Variants in KRT77 observed in about 807,000 individuals in gnomAD.
The protein encoded by KRT77 is keratin, type II cytoskeletal 1b.
In KRT77, 44 loss-of-function variants were observed where a neutral mutation model predicts 51.5. The ratio of observed to expected loss-of-function variants is 0.85; its 90% CI spans 0.67 to 1.10. The LOEUF (loss-of-function observed/expected upper bound fraction) is 1.10. Ranked by LOEUF, KRT77 falls within the 50% of genes least tolerant of loss-of-function variation. The pLI is 0.00. For synonymous variants in KRT77, 293 were observed against 302.0 expected (o/e 0.97, Z 0.31); for missense variants, 763 against 743.9 (o/e 1.03, Z -0.30).
At position 52,700,149 on chromosome 12, in the gene KRT77, C is replaced by T. The variant is rs147367403; in HGVS notation, c.544-2253G>A. On this transcript the variant is annotated intron_variant, in intron 1 of 8. Transcript: ENST00000341809. The stretch of plus-strand genomic sequence containing the variant: ...ACTCTCTGAGCGTCCAGCACTGACC[C>T]CTGAGGGGCTGACCCAATTTGTCAT... Among the ~76,000 whole-genome samples the T allele has an allele frequency of 4.6e-5, 7 of 152,280 alleles. No homozygotes were observed. In the East Asian group the frequency reaches 1.3e-3, roughly 29 times the overall value.
In KRT77 at chr12:52,695,840, C is replaced by G; in HGVS notation, c.847G>C (p.Val283Leu). ...KDVDAAYVSK[V>L]DLESRVDTLT... ...GTGTCCACCCTGGACTCCAGGTCCA[C>G]TTTGCTCACATAAGCAGCATCCACA... is the stretch of plus-strand genomic sequence containing the variant. Residue 283 changes from valine (V) to leucine (L), a missense_variant, in exon 4 of 9, where the codon GTG becomes CTG. Physicochemically the swap from Val to Leu is conservative, Grantham distance 32. Transcript: ENST00000341809. The G allele has an allele frequency of 1.2e-6, 2 of 1,613,758 alleles. No homozygotes were observed. Among genetic ancestry groups the G allele is most frequent in the South Asian group, 2.2e-5 (2 of 91,070 alleles).
rs1014617734 is a variant in KRT77 at position 52,703,487 on chromosome 12, A to G, written c.-53T>C. ...CAAGAGAAAGAGCCTGGCAGGAAGG[A>G]GGCAGAGACCAGAGAGGAAAGGAGC... is the stretch of plus-strand genomic sequence containing the variant. On this transcript the variant is annotated 5_prime_UTR_variant, in exon 1 of 9. Coordinates refer to ENST00000341809, the MANE Select transcript of KRT77 (RefSeq NM_175078.3). The G allele has an allele frequency of 1.1e-5, 16 of 1,490,966 alleles. No homozygotes were observed. The highest frequency in any genetic ancestry group is 1.4e-5 in the Non-Finnish European group (16 of 1,110,598). The allele number at this position is 1,490,966 out of a possible 1,614,324, so 92.4% of individuals were successfully genotyped here. A position where few individuals can be genotyped will look rare whatever the true frequency, so the allele number is the denominator to read the frequency against.
Position 52,691,438 on chromosome 12 carries a change from G to A in KRT77, c.1464C>T (p.Ser488=), listed in dbSNP as rs758247963. ...TGACGCTCACCTGGCTGTTCTGCAC[G>A]GCTGTGGGTAGGGGACAGTGCACAC... The part of the protein sequence containing the change: ...SGELQSHVSI[S]VQNSQVSVNG... The change falls in exon 9 of 9, where the codon TCC becomes TCT. Residue 488 remains serine, a splice_region_variant and synonymous_variant. Transcript: ENST00000341809. 3.4e-5 allele frequency: 54 copies of A among 1,584,104 alleles called. No homozygotes were observed. The highest frequency in any genetic ancestry group is 2.4e-4 in the South Asian group (21 of 87,164).
chr12:52,691,815 G>T (rs1326671172), intron 8 of KRT77, 123 bp downstream of exon 8: 4 of 1,024,824 alleles, frequency 3.9e-6, no homozygotes, highest in African/African-American at 1.6e-5. Flanking sequence ...TGCTTACTTT[G>T]GTGTCTATTG....
chr12:52,702,284 C>G (rs1193358455), intron 1 of KRT77, among the ~76,000 whole-genome samples: 2 of 152,172 alleles, frequency 1.3e-5, no homozygotes. Context: ...ACCTGTAGCA[C>G]CTGGCACGAT....
Position 52,703,091 on chromosome 12 carries a change from G to A in KRT77, c.344C>T (p.Ala115Val), listed in dbSNP as rs1279867353. ...GGFGGGGFGG[A>V]GFGTSNFGLG... The stretch of plus-strand genomic sequence containing the variant: ...CCCAAAATTGCTAGTCCCAAATCCA[G>A]CACCCCCAAAACCACCTCCTCCAAA... Residue 115 changes from alanine to valine, a missense_variant, in exon 1 of 9, where the codon GCT becomes GTT. Physicochemically the swap from Ala to Val is moderately conservative, Grantham distance 64. Transcript: ENST00000341809. 1.2e-6 allele frequency: 2 copies of A among 1,613,400 alleles called. No individual in the cohort carries two copies. The highest frequency in any genetic ancestry group is 1.7e-6 in the Non-Finnish European group (2 of 1,179,814).
rs1941823980 is a variant in KRT77, at chr12:52,697,904, C to T, written c.544-8G>A. On this transcript the variant is annotated splice_region_variant and splice_polypyrimidine_tract_variant and intron_variant, in intron 1 of 8. Coordinates refer to ENST00000341809, the MANE Select transcript of KRT77 (RefSeq NM_175078.3). ...CTGCTCCAGGAATCGCACCTAAGAG[C>T]AAGAGACCCCAGTCCACCCCAGGCC... 6.2e-7 allele frequency: 1 copy of T among 1,612,662 alleles called. No homozygotes were observed. The highest frequency in any genetic ancestry group is 1.1e-5 in the South Asian group (1 of 91,024).
chr12:52,698,229 C>CAG, intron 1 of KRT77: 1 of 1,012,004 alleles, frequency 9.9e-7, no homozygotes, highest in Non-Finnish European at 1.4e-6. Flanking sequence ...TTCGGAGCAT[C>CAG]TGAGACACTG....
chr12:52,703,279 A>G lies in KRT77; in HGVS notation c.156T>C (p.His52=). 1.9e-6 allele frequency: 3 copies of G among 1,613,392 alleles called. No individual in the cohort carries two copies. Among genetic ancestry groups the G allele is most frequent in the South Asian group, 2.2e-5 (2 of 91,008 alleles). ...GGCTCCTAGAGCCAAACCCCCTTCC[A>G]TGGATCCCATATCCACCACCACCAC... ...GRCGGGGYGI[H]GRGFGSRSLY... The change falls in exon 1 of 9, where the codon CAT becomes CAC. Residue 52 remains histidine (H), a synonymous_variant. Transcript: ENST00000341809.
At chr12:52,693,242 G>A (rs1941744059) in intron 5 of KRT77, among the ~76,000 whole-genome samples, 1 of 150,246 alleles carries the variant, frequency 6.7e-6, no homozygotes. Context: ...CCACCATATA[G>A]CTTCCCACCC....
chr12:52,701,322 G>A lies in KRT77; in HGVS notation c.543+1570C>T, dbSNP rs530838348. 1.7e-3 allele frequency among the ~76,000 whole-genome samples: 260 copies of A among 152,320 alleles called. 1 individual carries two copies. The highest frequency in any genetic ancestry group is 6.0e-3 in the African/African-American group (248 of 41,564). The stretch of plus-strand genomic sequence containing the variant: ...CCCACGCAGCATGATCGGAAGCCAC[G>A]GGAGCACGCTGCTGTGTTGCGCTCC... On this transcript the variant is annotated intron_variant, in intron 1 of 8. Transcript: ENST00000341809.
chr12:52,699,556 G>T (rs541593485), intron 1 of KRT77, among the ~76,000 whole-genome samples: 1 of 152,220 alleles, frequency 6.6e-6, no homozygotes, highest in Non-Finnish European at 1.5e-5. Flanking sequence ...AGCTAGCACC[G>T]ATGGAATGAG....
rs771402323 is a variant in KRT77, at chr12:52,691,986, G to A, written c.1428-14C>T. On this transcript the variant is annotated splice_polypyrimidine_tract_variant and intron_variant, in intron 7 of 8. Transcript: ENST00000341809. ...TCTCCTGACATCCTGTAAAACCAAA[G>A]CACACGGTCAGCCAGACCCACAGGG... 6.2e-7 allele frequency: 1 copy of A among 1,613,846 alleles called. No homozygotes were observed. Among genetic ancestry groups the A allele is most frequent in the South Asian group, 1.1e-5 (1 of 91,076 alleles).
At position 52,691,328 on chromosome 12, in the gene KRT77, T is replaced by C; in HGVS notation, c.1574A>G (p.Tyr525Cys). ...SGGGYGGGRS[Y>C]RGGGARGRSG... Reference sequence around the variant, plus strand: ...CCTGCCTCGTGCCCCGCCTCCGCGGTAGCTTCTTCCGCCGCCATAGCCCCC... The same window carrying C: ...CCTGCCTCGTGCCCCGCCTCCGCGGCAGCTTCTTCCGCCGCCATAGCCCCC... The change falls in exon 9 of 9, where the codon TAC (tyrosine) becomes TGC (cysteine). Residue 525 changes from tyrosine (Y) to cysteine (C), a missense_variant. Transcript: ENST00000341809. 1 of 1,599,814 alleles carries C rather than the reference T, an allele frequency of 6.3e-7. No homozygotes were observed. Among genetic ancestry groups the C allele is most frequent in the Non-Finnish European group, 8.5e-7 (1 of 1,173,238 alleles).
Position 52,691,157 on chromosome 12 carries a change from C to T in KRT77, c.*8G>A. 6.2e-7 allele frequency: 1 copy of T among 1,613,988 alleles called. No individual in the cohort carries two copies. ...GGGCAGGCGTGATGTGTGGCAGAAA[C>T]GAGGCCTCTACTCCAAGATCCGCCT... is the stretch of plus-strand genomic sequence containing the variant. On this transcript the variant is annotated 3_prime_UTR_variant, in exon 9 of 9. Coordinates refer to ENST00000341809, the MANE Select transcript of KRT77 (RefSeq NM_175078.3).
rs762262243 is a variant in KRT77, at chr12:52,703,405, C to T, written c.30G>A (p.Ala10=). Residue 10 remains alanine, a synonymous_variant, in exon 1 of 9, where the codon GCG becomes GCA. Coordinates refer to ENST00000341809, the MANE Select transcript of KRT77 (RefSeq NM_175078.3). MSHQFSSQS[A]FSSMSRRVYS... Reference sequence around the variant, plus strand: ...AAACCCGCCTGCTCATTGAACTAAACGCGGACTGAGAACTAAATTGGTGGC... The same window carrying T: ...AAACCCGCCTGCTCATTGAACTAAATGCGGACTGAGAACTAAATTGGTGGC... 32 of 1,598,812 alleles carry T rather than the reference C, an allele frequency of 2.0e-5. No individual in the cohort carries two copies. In the East Asian group the frequency reaches 2.2e-4, roughly 11 times the overall value.
intron 1 of KRT77, chr12:52,698,409 G>T (rs755199196): frequency 3.0e-5 from 11 of 367,976 alleles, no homozygotes; most frequent in African/African-American, 8.5e-5. Flanking sequence ...GCTGTCTGCC[G>T]GGATGTTTGT....
chr12:52,693,277 G>A (rs61176844), intron 5 of KRT77, among the ~76,000 whole-genome samples: 1 of 150,622 alleles, frequency 6.6e-6, no homozygotes, highest in African/African-American at 2.4e-5. Context: ...CTCCCTAGCA[G>A]TCAAGCAGGA....
chr12:52,693,900 A>G lies in KRT77; in HGVS notation c.1080+726T>C, dbSNP rs185364569. On this transcript the variant is annotated intron_variant, in intron 5 of 8. Transcript: ENST00000341809. ...AAAAATACAAAAATTAGCTTGGTGT[A>G]GTGGCGCGTGCCTGTAATCCCAGCT... Among the ~76,000 whole-genome samples, 53 of 136,516 alleles carry G rather than the reference A, an allele frequency of 3.9e-4. 2 individuals are homozygous for G. The East Asian group carries it at 8.3e-3, about 21-fold the overall frequency. 89.6% of individuals were successfully genotyped at this position (136,516 alleles called of 152,430 possible).
Sources: allele counts gnomAD v4.1 joint callset (sites outside exome capture counted in the v4.1 genomes callset), GRCh38; gene constraint gnomAD v4.1.1; transcripts MANE v1.5; gene names NCBI Gene and HGNC (gene_info 2026-07-23, HGNC 2026-07-21).